The following CPED1 variants were observed in gnomAD, a reference collection of about 807,000 sequenced individuals.
CPED1 encodes cadherin like and PC-esterase domain containing 1, also known as cadherin-like and PC-esterase domain-containing protein 1.
Under a neutral mutation model 128.2 loss-of-function variants are expected in CPED1, and 114 were observed. The ratio of observed to expected loss-of-function variants is 0.89; its 90% confidence interval spans 0.76 to 1.04. The LOEUF is 1.04. Ranked by LOEUF, CPED1 falls within the 50% of genes least tolerant of loss-of-function variation. The pLI, the probability that CPED1 is intolerant of heterozygous loss-of-function variation, is 0.00. For synonymous variants in CPED1, 462 were observed against 426.7 expected (o/e 1.08, Z -1.02); for missense variants, 1,211 against 1,207.1 (o/e 1.00, Z -0.05).
chr7:121,062,826 G>T (rs1793710377), intron 4 of CPED1: 1 of 152,090 alleles, frequency 6.6e-6, no homozygotes. Flanking sequence ...AGTCTCACGA[G>T]ATCTGATGGT....
chr7:121,271,862 G>C (rs933619053), intron 22 of CPED1, among the ~76,000 whole-genome samples: 11 of 152,066 alleles, frequency 7.2e-5, no homozygotes, highest in Non-Finnish European at 1.6e-4. Flanking sequence ...ATGCATAACA[G>C]GAAGACCTGT....
chr7:121,141,856 G>A, intron 15 of CPED1, 117 bp from the exon 16 acceptor site: 1 of 730,670 alleles, frequency 1.4e-6, no homozygotes, highest in Non-Finnish European at 2.2e-6. Context: ...AAATTGTACA[G>A]ACCTTTCCTG....
chr7:121,270,022 G>T (rs1261709021), intron 21 of CPED1, among the ~76,000 whole-genome samples: 2 of 151,852 alleles, frequency 1.3e-5, no homozygotes, highest in Non-Finnish European at 2.9e-5. Context: ...GAGGCGGGAG[G>T]TGCCAGACTC....
rs200694567 is a variant in CPED1, at chr7:121,130,128, T to C, written c.1411T>C (p.Phe471Leu). The change falls in exon 12 of 23, where the codon TTC becomes CTC. Residue 471 changes from phenylalanine (F) to leucine (L), a missense_variant. Transcript: ENST00000310396. ...LGSLGQFQLLFPSTTPGIQSL... is the reference protein window; with the variant it reads ...LGSLGQFQLLLPSTTPGIQSL... The stretch of plus-strand genomic sequence containing the variant: ...TACTGATATTTTGTGTTCTCAGCTC[T>C]TCCCATCTACTACTCCTGGGATTCA... 8.9e-5 allele frequency: 144 copies of C among 1,610,658 alleles called. No individual in the cohort carries two copies. Among genetic ancestry groups the C allele is most frequent in the Non-Finnish European group, 6.8e-6 (8 of 1,177,350 alleles).
chr7:121,292,735 T>G (rs1454863443), intron 22 of CPED1, among the ~76,000 whole-genome samples: 1 of 152,134 alleles, frequency 6.6e-6, no homozygotes, highest in East Asian at 1.9e-4. Context: ...GTTGATGCTA[T>G]TGCTTTCTGT....
intron 16 of CPED1, among the ~76,000 whole-genome samples, chr7:121,163,120 C>G (rs1796448114): frequency 6.6e-6 from 1 of 152,190 alleles, no homozygotes; most frequent in South Asian, 2.1e-4. Context: ...TATGAAATAT[C>G]TACTTCCAGT....
chr7:121,222,457 A>G (rs1199916613), intron 16 of CPED1, among the ~76,000 whole-genome samples: 1 of 152,066 alleles, frequency 6.6e-6, no homozygotes, highest in Non-Finnish European at 1.5e-5. Context: ...TTGGTTCCAT[A>G]TGAATTTTAG....
chr7:121,242,068 G>A lies in CPED1; in HGVS notation c.2174-2134G>A, dbSNP rs567243104. Among the ~76,000 whole-genome samples the A allele has an allele frequency of 5.3e-5, 8 of 152,224 alleles. No homozygotes were observed. The South Asian group carries it at 1.5e-3, about 28-fold the overall frequency. On this transcript the variant is annotated intron_variant, in intron 17 of 22. Coordinates refer to ENST00000310396, the MANE Select transcript of CPED1 (RefSeq NM_024913.5). The stretch of plus-strand genomic sequence containing the variant: ...ACTCTAATATGTAGTCAATGTTGAG[G>A]TCCGCAGGGCCAGTTGGAGATAGAG...
intron 16 of CPED1, among the ~76,000 whole-genome samples, chr7:121,232,820 G>C (rs1798168447): frequency 6.6e-6 from 1 of 152,074 alleles, no homozygotes; most frequent in Non-Finnish European, 1.5e-5. Context: ...ATTTAAAATT[G>C]TTTAGACAGA....
intron 2 of CPED1, among the ~76,000 whole-genome samples, chr7:120,998,673 C>T (rs149440057): frequency 6.7e-4 from 102 of 152,262 alleles, no homozygotes; most frequent in African/African-American, 9.9e-4. Context: ...TTGAGTTTCT[C>T]TCTCTATCCC....
intron 5 of CPED1, among the ~76,000 whole-genome samples, chr7:121,078,904 A>C (rs1456073434): frequency 2.0e-5 from 3 of 152,202 alleles, no homozygotes; most frequent in Non-Finnish European, 4.4e-5. Context: ...GGAGGCTGGA[A>C]GTCTAAGATA....
At chr7:121,090,490 A>C (rs1794546225) in intron 5 of CPED1, among the ~76,000 whole-genome samples, 1 of 152,218 alleles carries the variant, frequency 6.6e-6, no homozygotes, top group South Asian at 2.1e-4. Flanking sequence ...AAAGTCACAC[A>C]AGTAGTAATA....
intron 18 of CPED1, among the ~76,000 whole-genome samples, chr7:121,249,312 A>G (rs931627476): frequency 6.6e-6 from 1 of 152,196 alleles, no homozygotes; most frequent in African/African-American, 2.4e-5. Flanking sequence ...TGCACATTCA[A>G]AAAACATGGA....
intron 3 of CPED1, among the ~76,000 whole-genome samples, chr7:121,044,441 A>G (rs1793136185): frequency 6.6e-6 from 1 of 152,108 alleles, no homozygotes; most frequent in African/African-American, 2.4e-5. Context: ...GTTACACTTT[A>G]CTTCATTTTA....
chr7:121,129,269 ATG>A (rs1431596941), intron 11 of CPED1, among the ~76,000 whole-genome samples: 2 of 142,658 alleles, frequency 1.4e-5, no homozygotes, highest in Middle Eastern at 4.0e-3. Flanking sequence ...TAAAAAGTAT[ATG>A]TGTGTGTGTA....
At chr7:121,265,236 G>C (rs1367019478) in intron 18 of CPED1, among the ~76,000 whole-genome samples, 2 of 151,946 alleles carry the variant, frequency 1.3e-5, no homozygotes, top group African/African-American at 4.8e-5. Context: ...TAAGAGGATG[G>C]GGCCATTCAC....
chr7:121,230,097 C>T (rs1012035456), intron 16 of CPED1, among the ~76,000 whole-genome samples: 8 of 151,986 alleles, frequency 5.3e-5, no homozygotes, highest in Non-Finnish European at 1.2e-4. Flanking sequence ...GGAAAATAGA[C>T]ATATTGGTGG....
chr7:121,001,006 G>A (rs1394957762), intron 2 of CPED1, among the ~76,000 whole-genome samples: 1 of 152,142 alleles, frequency 6.6e-6, no homozygotes, highest in Non-Finnish European at 1.5e-5. Flanking sequence ...CCCCTGAGAA[G>A]CTGGGTTTAA....
At position 120,989,423 on chromosome 7, in the gene CPED1, G is replaced by A. The variant is rs997718765; in HGVS notation, c.-199G>A. 5 of 597,472 alleles carry A rather than the reference G, an allele frequency of 8.4e-6. No individual in the cohort carries two copies. In the Admixed American group the frequency reaches 9.1e-5, roughly 11 times the overall value. 37.0% of individuals were successfully genotyped at this position (597,472 alleles called of 1,614,324 possible). On this transcript the variant is annotated 5_prime_UTR_variant, in exon 2 of 23. Transcript: ENST00000310396. Reference sequence around the variant, plus strand: ...ACTTTTGACTGTCATCCATGGAAGAGCTCTTATTAAAAGCCTCAGACTTTC... The same window carrying A: ...ACTTTTGACTGTCATCCATGGAAGAACTCTTATTAAAAGCCTCAGACTTTC...
Sources: gnomAD v4.1 joint callset for allele counts (sites outside exome capture counted in the v4.1 genomes callset) on GRCh38, gnomAD v4.1.1 for gene constraint, MANE v1.5 for transcripts, NCBI Gene and HGNC (gene_info 2026-07-23, HGNC 2026-07-21) for gene names.